Variants in CLTC observed in about 807,000 individuals in gnomAD.
CLTC encodes the protein clathrin heavy chain 1.
In CLTC, 16 loss-of-function variants were observed where a neutral mutation model predicts 195.8. The ratio of observed to expected loss-of-function variants is 0.08; its 90% confidence interval spans 0.06 to 0.12. The LOEUF (loss-of-function observed/expected upper bound fraction) is 0.12, where lower values mean the gene tolerates loss of function less well. Ranked by LOEUF, CLTC falls within the 10% of genes least tolerant of loss-of-function variation. The probability of loss-of-function intolerance (pLI) is 1.00; values close to 1 mark genes in which losing one functional copy is unlikely to be tolerated. For missense variants in CLTC, 796 were observed against 2,027.0 expected, an observed-to-expected ratio of 0.39 and a Z score of 11.66; for synonymous variants, 667 against 689.4, an observed-to-expected ratio of 0.97 and a Z score of 0.51.
chr17:59,664,212 C>T lies in CLTC; in HGVS notation c.1521+218C>T, dbSNP rs565227776. ...TTATCAGAATTTCAGATAGCAGGCA[C>T]GTTTAACATGTTAGAACAAACTTTT... On this transcript the variant is annotated intron_variant, in intron 9 of 31. Coordinates refer to ENST00000269122, the MANE Select transcript of CLTC (RefSeq NM_004859.4). 2.6e-5 allele frequency among the ~76,000 whole-genome samples: 4 copies of T among 152,270 alleles called. No individual in the cohort carries two copies. The East Asian group carries it at 7.7e-4, about 29-fold the overall frequency.
intron 1 of CLTC, among the ~76,000 whole-genome samples, chr17:59,632,118 C>A (rs1482262525): frequency 6.6e-6 from 1 of 152,084 alleles, no homozygotes; most frequent in Non-Finnish European, 1.5e-5. Flanking sequence ...CCTGTAATCC[C>A]AGCACTTTGG....
At chr17:59,660,792 C>T (rs947414841) in intron 7 of CLTC, among the ~76,000 whole-genome samples, 15 of 152,062 alleles carry the variant, frequency 9.9e-5, no homozygotes, top group Non-Finnish European at 2.9e-5. Context: ...TTTTAAAACC[C>T]AGATTGTTAG....
chr17:59,666,334 C>T lies in CLTC; in HGVS notation c.1782+94C>T. ...TTGTTATGCAAAGCTACTGAGGGGC[C>T]TACTCCTTATTAAAGAAAATGTAGC... On this transcript the variant is annotated intron_variant, in intron 11 of 31. Transcript: ENST00000269122. This position sits in a 1 kb window ranked among gnomAD's most constrained non-coding sequence, Gnocchi z 4.9. The T allele has an allele frequency of 6.7e-7, 1 of 1,496,454 alleles. No homozygotes were observed. Among genetic ancestry groups the T allele is most frequent in the Admixed American group, 1.9e-5 (1 of 51,966 alleles). 92.7% of individuals were successfully genotyped at this position (1,496,454 alleles called of 1,614,324 possible). A position where few individuals can be genotyped will look rare whatever the true frequency, so the allele number is the denominator to read the frequency against.
chr17:59,638,152 C>T (rs1268886830), intron 1 of CLTC, among the ~76,000 whole-genome samples: 1 of 152,012 alleles, frequency 6.6e-6, no homozygotes. Context: ...TAACCTTGAG[C>T]TGGCTTAAAG....
rs757084469 is a variant in CLTC at position 59,683,565 on chromosome 17, T to C, written c.4191+29T>C. On this transcript the variant is annotated intron_variant, in intron 26 of 31. Transcript: ENST00000269122. This position sits in a 1 kb window ranked among gnomAD's most constrained non-coding sequence, Gnocchi z 6.1. ...TGTACTTTCTTCAGAAGATAAAGGA[T>C]TCAGAAGGAGAAAGCTCATTAGGAA... 3 of 1,613,212 alleles carry C rather than the reference T, an allele frequency of 1.9e-6. No homozygotes were observed. Among genetic ancestry groups the C allele is most frequent in the South Asian group, 2.2e-5 (2 of 90,992 alleles).
chr17:59,677,236 C>G (rs923487323), intron 17 of CLTC, 48 bp downstream of exon 17: 6 of 1,424,780 alleles, frequency 4.2e-6, no homozygotes, highest in Non-Finnish European at 4.9e-6. Context: ...TTTTAAAAAC[C>G]TGTTACATGA....
At chr17:59,691,081 A>G (rs754386563) in intron 31 of CLTC, among the ~76,000 whole-genome samples, 1 of 152,218 alleles carries the variant, frequency 6.6e-6, no homozygotes, top group Non-Finnish European at 1.5e-5. Flanking sequence ...TGCTTTACAT[A>G]AAGAATACAT....
At chr17:59,647,701 T>C in intron 3 of CLTC, 35 bp downstream of exon 3, 3 of 1,554,850 alleles carry the variant, frequency 1.9e-6, no homozygotes, top group Non-Finnish European at 8.9e-7. Flanking sequence ...GAAGAAGAGG[T>C]TTAGAACACG....
intron 6 of CLTC, among the ~76,000 whole-genome samples, chr17:59,657,901 TA>T (rs916520631): frequency 4.2e-5 from 6 of 143,260 alleles, no homozygotes; most frequent in Admixed American, 1.4e-4. Context: ...ATTAAAAAAA[TA>T]AAAAAAAAGA....
In CLTC at chr17:59,683,895, G is replaced by A; in HGVS notation, c.4344G>A (p.Val1448=). The change falls in exon 28 of 32, where the codon GTG becomes GTA. Residue 1448 remains valine (V), a synonymous_variant. Transcript: ENST00000269122. The surrounding 1 kb of genome is among the most constrained non-coding windows in gnomAD (Gnocchi z 6.1). ...TAAAGGTTAAACAGCTACCACTGGTGAAACCGTATTTGCGTTCAGTTCAGA... is the reference window on the plus strand; with the variant it reads ...TAAAGGTTAAACAGCTACCACTGGTAAAACCGTATTTGCGTTCAGTTCAGA... The part of the protein sequence containing the change: ...YFSKVKQLPL[V]KPYLRSVQNH... The A allele has an allele frequency of 1.2e-6, 2 of 1,613,800 alleles. No individual in the cohort carries two copies. The highest frequency in any genetic ancestry group is 4.5e-5 in the East Asian group (2 of 44,848).
chr17:59,620,487 A>C (rs550634975), intron 1 of CLTC, among the ~76,000 whole-genome samples: 141 of 152,056 alleles, frequency 9.3e-4, no homozygotes, highest in African/African-American at 3.2e-3. Flanking sequence ...CATTTCATTC[A>C]TTTGGGTAGG....
At chr17:59,657,464 G>C (rs1228107625) in intron 6 of CLTC, among the ~76,000 whole-genome samples, 3 of 152,012 alleles carry the variant, frequency 2.0e-5, no homozygotes, top group Non-Finnish European at 4.4e-5. Context: ...TGAGTGTCTT[G>C]CTTAGAAAAA....
At chr17:59,625,978 T>G (rs887952670) in intron 1 of CLTC, among the ~76,000 whole-genome samples, 3 of 152,216 alleles carry the variant, frequency 2.0e-5, no homozygotes, top group Admixed American at 6.5e-5. Flanking sequence ...GCATTAATTA[T>G]TGGCTAAATA....
intron 6 of CLTC, among the ~76,000 whole-genome samples, chr17:59,657,685 T>G (rs2032504117): frequency 6.6e-6 from 1 of 151,214 alleles, no homozygotes; most frequent in South Asian, 2.1e-4. Context: ...AAAGAATCAC[T>G]TGAACCTGGG....
chr17:59,682,184 G>A lies in CLTC; in HGVS notation c.3443-87G>A. 3 of 1,286,222 alleles carry A rather than the reference G, an allele frequency of 2.3e-6. No homozygotes were observed. Among genetic ancestry groups the A allele is most frequent in the Admixed American group, 4.3e-5 (2 of 46,632 alleles). The allele number at this position is 1,286,222 out of a possible 1,614,324, so 79.7% of individuals were successfully genotyped here. On this transcript the variant is annotated intron_variant, in intron 21 of 31. Coordinates refer to ENST00000269122, the MANE Select transcript of CLTC (RefSeq NM_004859.4). The surrounding 1 kb of genome is among the most constrained non-coding windows in gnomAD (Gnocchi z 6.8). ...GTCATTATCCATGTTTCCTTGAAAA[G>A]GAAATGAATGCAATTTTCATTTACT...
chr17:59,653,241 T>G (rs2143520062), intron 5 of CLTC, among the ~76,000 whole-genome samples: 1 of 152,040 alleles, frequency 6.6e-6, no homozygotes, highest in Non-Finnish European at 1.5e-5. Flanking sequence ...TCGCCCAGGC[T>G]GGAGTGCAGT....
rs756406467 is a variant in CLTC at position 59,681,831 on chromosome 17, A to G, written c.3434A>G (p.Asn1145Ser). 4.3e-6 allele frequency: 7 copies of G among 1,612,072 alleles called. No homozygotes were observed. The East Asian group carries it at 6.7e-5, about 15-fold the overall frequency. ...TACATGGAAGTTGTTCAGGCTGCCA[A>G]TACTAGTGGTATGACTTCTTACCTT... ...SSYMEVVQAA[N>S]TSGNWEELVK... Residue 1145 changes from asparagine (N) to serine (S), a missense_variant, in exon 21 of 32, where the codon AAT becomes AGT. Coordinates refer to ENST00000269122, the MANE Select transcript of CLTC (RefSeq NM_004859.4). The surrounding 1 kb of genome is among the most constrained non-coding windows in gnomAD (Gnocchi z 5.0).
chr17:59,691,395 C>T (rs942909467), intron 31 of CLTC, among the ~76,000 whole-genome samples: 8 of 151,892 alleles, frequency 5.3e-5, no homozygotes, highest in South Asian at 4.2e-4. Flanking sequence ...AAGGCTGAGG[C>T]GGGCGGATCA....
chr17:59,667,164 A>C, intron 13 of CLTC, 187 bp downstream of exon 13: 1 of 430,940 alleles, frequency 2.3e-6, no homozygotes, highest in South Asian at 4.8e-5. Context: ...TATGCAGTGA[A>C]CCAGACCATC....
Sources: allele counts gnomAD v4.1 joint callset (sites outside exome capture counted in the v4.1 genomes callset), GRCh38; gene constraint gnomAD v4.1.1; non-coding constraint Gnocchi (gnomAD v3.1); transcripts MANE v1.5; gene names NCBI Gene and HGNC (gene_info 2026-07-23, HGNC 2026-07-21).